The following STX5 variants were observed in gnomAD, a reference collection of about 807,000 sequenced individuals.
STX5 encodes the protein syntaxin-5.
In STX5, 15 loss-of-function variants were observed where a neutral mutation model predicts 42.9. The observed-to-expected ratio is 0.35, with a 90% CI of 0.23 to 0.54. STX5 has a LOEUF of 0.54. Among genes scored for constraint, STX5 ranks in the 20% least tolerant of loss-of-function variants. The pLI, the probability that STX5 is intolerant of heterozygous loss-of-function variation, is 0.91. For synonymous variants in STX5, 184 were observed against 173.2 expected, an observed-to-expected ratio of 1.06 and a Z score of -0.49; for missense variants, 430 against 455.0, an observed-to-expected ratio of 0.95 and a Z score of 0.50.
intron 10 of STX5, 131 bp downstream of exon 10, chr11:62,824,034 GA>G (rs2084766699): frequency 6.9e-7 from 1 of 1,446,902 alleles, no homozygotes; most frequent in Non-Finnish European, 9.4e-7. Flanking sequence ...GGAAGCAGGT[GA>G]ACTGGGTCCC....
chr11:62,826,879 C>CA (rs34108643), intron 5 of STX5, among the ~76,000 whole-genome samples: 8,405 of 65,376 alleles, frequency 0.13, 416 homozygotes, highest in Non-Finnish European at 0.17. Flanking sequence ...AACTCTGCCT[C>CA]AAAAAAAAAA....
At chr11:62,822,439 A>C (rs140739329) in intron 10 of STX5, among the ~76,000 whole-genome samples, 444 of 152,302 alleles carry the variant, frequency 2.9e-3, no homozygotes, top group African/African-American at 0.01. Context: ...AATGGTCCCA[A>C]GAGGTCTCAC....
At chr11:62,807,950 C>A in intron 10 of STX5, 1 of 288,004 alleles carries the variant, frequency 3.5e-6, no homozygotes, top group Non-Finnish European at 6.6e-6. Context: ...AGTCCCTAAC[C>A]CACAAGAGCC....
intron 2 of STX5, among the ~76,000 whole-genome samples, 163 bp from the exon 3 acceptor site, chr11:62,827,794 AG>A (rs1288607932): frequency 6.6e-6 from 1 of 152,170 alleles, no homozygotes; most frequent in African/African-American, 2.4e-5. Flanking sequence ...TTTGAAGAGC[AG>A]GTAGACCTGA....
At position 62,824,222 on chromosome 11, in the gene STX5, G is replaced by A. The variant is rs754326886; in HGVS notation, c.852C>T (p.Gly284=). Residue 284 remains glycine (G), a synonymous_variant, in exon 10 of 11, where the codon GGC becomes GGT. Coordinates refer to ENST00000294179, the MANE Select transcript of STX5 (RefSeq NM_003164.5). ...QNIESTIVEL[G]SIFQQLAHMV... ...TGTGTGCCAACTGCTGAAAGATGGA[G>A]CCCAACTCAACAATTGTCGACTCAA... 6.2e-7 allele frequency: 1 copy of A among 1,614,158 alleles called. No homozygotes were observed. Among genetic ancestry groups the A allele is most frequent in the African/African-American group, 1.3e-5 (1 of 75,044 alleles).
At chr11:62,808,301 C>A (rs944584119) in intron 10 of STX5, among the ~76,000 whole-genome samples, 3 of 152,002 alleles carry the variant, frequency 2.0e-5, no homozygotes, top group Non-Finnish European at 1.5e-5. Flanking sequence ...TGGTGTGACC[C>A]TACAGTCCCA....
Position 62,831,157 on chromosome 11 carries a change from T to G in STX5, c.87A>C (p.Ala29=). ...TGTCGCTGCTGCTACTGCCAGCAGT[T>G]GCAGGGGACAGGACCTGTGTCTTTG... is the stretch of plus-strand genomic sequence containing the variant. The part of the protein sequence containing the change: ...GLSKTQVLSP[A]TAGSSSSDIA... Residue 29 remains alanine (A), a synonymous_variant, in exon 2 of 11, where the codon GCA becomes GCC. Transcript: ENST00000294179. 1 of 1,561,118 alleles carries G rather than the reference T, an allele frequency of 6.4e-7. No homozygotes were observed. The highest frequency in any genetic ancestry group is 2.2e-4 in the Middle Eastern group (1 of 4,602).
rs1339273190 is a variant in STX5 at position 62,807,280 on chromosome 11, G to T, written c.*189C>A. 6 of 782,544 alleles carry T rather than the reference G, an allele frequency of 7.7e-6. No individual in the cohort carries two copies. Among genetic ancestry groups the T allele is most frequent in the Non-Finnish European group, 1.2e-5 (6 of 513,082 alleles). The allele number at this position is 782,544 out of a possible 1,614,324, so 48.5% of individuals were successfully genotyped here. ...ACCCTGTGTGTTTCATAGGCCTGAG[G>T]GTGGTGGGGGGAGGACAGGGTGGCC... On this transcript the variant is annotated 3_prime_UTR_variant, in exon 11 of 11. Coordinates refer to ENST00000294179, the MANE Select transcript of STX5 (RefSeq NM_003164.5).
intron 5 of STX5, among the ~76,000 whole-genome samples, 169 bp downstream of exon 5, chr11:62,826,986 G>C (rs1239267053): frequency 1.3e-5 from 2 of 151,986 alleles, no homozygotes; most frequent in African/African-American, 4.8e-5. Flanking sequence ...AGGAGTTAAG[G>C]GCTGCAGTGA....
At chr11:62,830,918 C>G (rs996822461) in intron 2 of STX5, 101 bp downstream of exon 2, 2 of 1,111,884 alleles carry the variant, frequency 1.8e-6, no homozygotes, top group African/African-American at 3.1e-5. Context: ...TCAGTTCCAT[C>G]AGGTACCCCC....
intron 2 of STX5, among the ~76,000 whole-genome samples, chr11:62,828,921 T>G (rs2084825057): frequency 6.6e-6 from 1 of 150,810 alleles, no homozygotes; most frequent in Non-Finnish European, 1.5e-5. Context: ...AAAAATTAGC[T>G]GGGTGTCCTG....
chr11:62,809,645 G>C (rs1286124260), intron 10 of STX5, among the ~76,000 whole-genome samples: 1 of 111,466 alleles, frequency 9.0e-6, no homozygotes, highest in African/African-American at 3.5e-5. Flanking sequence ...TTGCACTCCA[G>C]CCTGGGAAAC....
rs17644 is a variant in STX5, at chr11:62,807,133, C to T, written c.*336G>A. 1 of 188,944 alleles carries T rather than the reference C, an allele frequency of 5.3e-6. No individual in the cohort carries two copies. Among genetic ancestry groups the T allele is most frequent in the Non-Finnish European group, 1.1e-5 (1 of 89,508 alleles). The allele number at this position is 188,944 out of a possible 1,614,324, so 11.7% of individuals were successfully genotyped here. Reference sequence around the variant, plus strand: ...GCATCATCTCCCTTTGCTGCCAACGCTTCCTTTGGGAGAGGCTGGAGAGGG... The same window carrying T: ...GCATCATCTCCCTTTGCTGCCAACGTTTCCTTTGGGAGAGGCTGGAGAGGG... On this transcript the variant is annotated 3_prime_UTR_variant, in exon 11 of 11. Coordinates refer to ENST00000294179, the MANE Select transcript of STX5 (RefSeq NM_003164.5).
chr11:62,829,411 C>A (rs888415953), intron 2 of STX5, among the ~76,000 whole-genome samples: 1 of 149,094 alleles, frequency 6.7e-6, no homozygotes, highest in Non-Finnish European at 1.5e-5. Context: ...GCAACAAGAG[C>A]GAAATTCCCA....
chr11:62,812,150 T>G (rs557374875), intron 10 of STX5, among the ~76,000 whole-genome samples: 1 of 144,934 alleles, frequency 6.9e-6, no homozygotes, highest in African/African-American at 2.5e-5. Flanking sequence ...CGATCTCAGC[T>G]CACAGCAACC....
At position 62,824,500 on chromosome 11, in the gene STX5, C is replaced by T. The variant is rs777006563; in HGVS notation, c.745G>A (p.Asp249Asn). 3 of 1,614,080 alleles carry T rather than the reference C, an allele frequency of 1.9e-6. No individual in the cohort carries two copies. In the African/African-American group the frequency reaches 4.0e-5, roughly 22 times the overall value. Residue 249 changes from aspartate (D) to asparagine (N), a missense_variant, in exon 9 of 11, where the codon GAC (aspartate) becomes AAC (asparagine). Physicochemically the swap from Asp to Asn is conservative, Grantham distance 23. Transcript: ENST00000294179. ...TGCAGCTGCTGGCTGGTCCGAGAGT[C>T]CATCATGTCGATGGCGACATCCTTG... is the stretch of plus-strand genomic sequence containing the variant. Reference protein sequence around the residue: ...ASKDVAIDMMDSRTSQQLQLI... With the variant: ...ASKDVAIDMMNSRTSQQLQLI...
At chr11:62,818,935 T>C (rs2084706311) in intron 10 of STX5, among the ~76,000 whole-genome samples, 1 of 151,764 alleles carries the variant, frequency 6.6e-6, no homozygotes, top group African/African-American at 2.4e-5. Flanking sequence ...AAAATGAAGG[T>C]GAGGCCGGGT....
At chr11:62,815,463 T>C (rs2084663309) in intron 10 of STX5, among the ~76,000 whole-genome samples, 1 of 101,842 alleles carries the variant, frequency 9.8e-6, no homozygotes, top group South Asian at 2.6e-4. Context: ...AGTATCACTC[T>C]GTTGTGACAC....
At chr11:62,811,777 A>C (rs1231449042) in intron 10 of STX5, among the ~76,000 whole-genome samples, 2 of 150,486 alleles carry the variant, frequency 1.3e-5, no homozygotes, top group Non-Finnish European at 3.0e-5. Flanking sequence ...ATGAGCCACC[A>C]CACCCAGCCT....
Sources: gnomAD v4.1 joint callset for allele counts (sites outside exome capture counted in the v4.1 genomes callset) on GRCh38, gnomAD v4.1.1 for gene constraint, MANE v1.5 for transcripts, NCBI Gene and HGNC (gene_info 2026-07-23, HGNC 2026-07-21) for gene names.